Variants in MICAL2 observed in about 807,000 individuals in gnomAD.
MICAL2 encodes [F-actin]-monooxygenase MICAL2.
MICAL2 carries 77 observed loss-of-function variants against 127.3 expected under a neutral mutation model. That is an observed-to-expected ratio of 0.60 (90% CI 0.50 to 0.73). The LOEUF (loss-of-function observed/expected upper bound fraction) is 0.73, where lower values mean the gene tolerates loss of function less well. Ranked by LOEUF, MICAL2 falls within the 30% of genes least tolerant of loss-of-function variation. MICAL2 has a pLI of 0.00. For missense variants in MICAL2, 1,351 were observed against 1,434.4 expected (o/e 0.94, Z 0.94); for synonymous variants, 570 against 551.1 (o/e 1.03, Z -0.48).
intron 32 of MICAL2, chr11:12,349,789 G>T (rs1183863817): frequency 2.5e-6 from 4 of 1,571,944 alleles, no homozygotes; most frequent in Non-Finnish European, 3.5e-6. Context: ...GTTTGATCAT[G>T]GGGAGAGAAA....
intron 21 of MICAL2, among the ~76,000 whole-genome samples, chr11:12,245,110 G>T (rs537873391): frequency 2.6e-4 from 40 of 152,320 alleles, no homozygotes; most frequent in African/African-American, 8.9e-4. Flanking sequence ...GCTTGGGTGG[G>T]AGAGGGTCTG....
chr11:12,266,486 T>A (rs758340812), downstream of MICAL2, among the ~76,000 whole-genome samples: 2 of 152,246 alleles, frequency 1.3e-5, no homozygotes, highest in Non-Finnish European at 2.9e-5. Flanking sequence ...ACTGCATCTT[T>A]TACTGCCCCC....
chr11:12,293,882 G>A, downstream of MICAL2: 1 of 1,610,668 alleles, frequency 6.2e-7, no homozygotes, highest in Non-Finnish European at 8.5e-7. Flanking sequence ...TCCCTTGGCT[G>A]GAGAAGACCG....
downstream of MICAL2, among the ~76,000 whole-genome samples, chr11:12,266,601 G>C (rs1034823861): frequency 6.6e-6 from 1 of 152,174 alleles, no homozygotes; most frequent in African/African-American, 2.4e-5. Flanking sequence ...GCAACCTTGC[G>C]GTCAGTACTG....
chr11:12,228,690 G>A lies in MICAL2; in HGVS notation c.1995+1559G>A, dbSNP rs555725252. Among the ~76,000 whole-genome samples, 436 of 152,290 alleles carry A rather than the reference G, an allele frequency of 2.9e-3. 2 individuals are homozygous for A. The highest frequency in any genetic ancestry group is 9.3e-3 in the African/African-American group (387 of 41,556). ...TCAGAGAGGGAGTCGGGAAGCCCAC[G>A]GAGGAGAGCGCTTCTACGGGATGGG... On this transcript the variant is annotated intron_variant, in intron 15 of 27. Transcript: ENST00000683283.
chr11:12,174,082 A>T (rs915685976), intron 3 of MICAL2, among the ~76,000 whole-genome samples: 4 of 152,118 alleles, frequency 2.6e-5, no homozygotes, highest in African/African-American at 9.7e-5. Flanking sequence ...ATTTTATAAA[A>T]CTTACAGTTG....
intron 2 of MICAL2, chr11:12,281,198 C>G (rs1863766433): frequency 2.5e-6 from 1 of 398,152 alleles, no homozygotes; most frequent in East Asian, 3.6e-5. Flanking sequence ...TGACAGGAAG[C>G]CTCGCCCTCA....
chr11:12,289,405 G>T (rs185544667), downstream of MICAL2, among the ~76,000 whole-genome samples: 2 of 152,360 alleles, frequency 1.3e-5, no homozygotes, highest in Non-Finnish European at 2.9e-5. Context: ...TGGCTGGGTA[G>T]AGTGTGCAGC....
chr11:12,213,320 A>G lies in MICAL2; in HGVS notation c.757A>G (p.Asn253Asp). The change falls in exon 7 of 28, where the codon AAC becomes GAC. Residue 253 changes from asparagine to aspartate, a missense_variant. Physicochemically the swap from Asn to Asp is conservative, Grantham distance 23. Coordinates refer to ENST00000683283, the MANE Select transcript of MICAL2 (RefSeq NM_001282663.2). ...IAITANFINR[N>D]STAEAKVEEI... is the part of the protein sequence containing the mutation. ...CATCACCGCCAACTTCATAAACAGA[A>G]ACAGCACAGCGGAAGCCAAGGTGGA... The G allele has an allele frequency of 6.2e-7, 1 of 1,613,946 alleles. No individual in the cohort carries two copies. The highest frequency in any genetic ancestry group is 8.5e-7 in the Non-Finnish European group (1 of 1,179,792).
chr11:12,336,149 T>C (rs922141381), intron 32 of MICAL2, among the ~76,000 whole-genome samples: 1 of 152,208 alleles, frequency 6.6e-6, no homozygotes, highest in Admixed American at 6.5e-5. Flanking sequence ...TTTGTAGTTC[T>C]CCTTGAAGAG....
Position 12,221,738 on chromosome 11 carries a change from C to T in MICAL2, c.1301C>T (p.Pro434Leu). ...AAGAGCTGGAACCAGGGCACCCCTC[C>T]CCTGGAGCTGCTGGCTGAAAGGTGA... ...MVKSWNQGTP[P>L]LELLAERESL... The change falls in exon 10 of 28, where the codon CCC (proline) becomes CTC (leucine). Residue 434 changes from proline to leucine, a missense_variant. By Grantham distance (98) the Pro-to-Leu change is moderately conservative (BLOSUM62 -3). Around this residue, in one of 2 missense-constraint regions of MICAL2, gnomAD observed 599 missense variants for 714.9 expected, o/e 0.84. Coordinates refer to ENST00000683283, the MANE Select transcript of MICAL2 (RefSeq NM_001282663.2). 2 of 1,613,520 alleles carry T rather than the reference C, an allele frequency of 1.2e-6. No homozygotes were observed. The highest frequency in any genetic ancestry group is 1.7e-6 in the Non-Finnish European group (2 of 1,179,770).
intron 3 of MICAL2, among the ~76,000 whole-genome samples, chr11:12,169,226 T>C (rs1855941020): frequency 2.9e-5 from 1 of 34,852 alleles, no homozygotes; most frequent in African/African-American, 4.0e-5. Flanking sequence ...AAAAAAAATC[T>C]ACACACATTT....
chr11:12,214,165 A>G (rs1449375490), intron 7 of MICAL2, among the ~76,000 whole-genome samples: 1 of 152,190 alleles, frequency 6.6e-6, no homozygotes, highest in Non-Finnish European at 1.5e-5. Flanking sequence ...AAACAGGGTG[A>G]GGGGAAAGGG....
At chr11:12,117,410 G>A (rs974446439) in intron 1 of MICAL2, among the ~76,000 whole-genome samples, 15 of 152,228 alleles carry the variant, frequency 9.9e-5, no homozygotes, top group South Asian at 4.1e-4. Flanking sequence ...TGGCCTTGCT[G>A]CAGCAGTACC....
chr11:12,191,100 TCAGAGA>T (rs1231287493), intron 3 of MICAL2, among the ~76,000 whole-genome samples: 1 of 152,190 alleles, frequency 6.6e-6, no homozygotes, highest in African/African-American at 2.4e-5. Flanking sequence ...CAGCTATGAA[TCAGAGA>T]CAAGGCCTCT....
chr11:12,181,051 C>T (rs12285670), intron 3 of MICAL2, among the ~76,000 whole-genome samples: 15 of 149,034 alleles, frequency 1.0e-4, no homozygotes, highest in Non-Finnish European at 1.8e-4. Context: ...TCAAGCGATT[C>T]TCCTGCCTCA....
intron 1 of MICAL2, among the ~76,000 whole-genome samples, chr11:12,137,997 T>C (rs939052498): frequency 6.6e-6 from 1 of 152,254 alleles, no homozygotes; most frequent in Non-Finnish European, 1.5e-5. Flanking sequence ...GGGGACTTGT[T>C]ATCCAGTTTT....
intron 1 of MICAL2, among the ~76,000 whole-genome samples, chr11:12,280,633 T>C (rs759741521): frequency 2.1e-4 from 32 of 152,210 alleles, no homozygotes; most frequent in Admixed American, 2.0e-3. Context: ...TAGAAAGATA[T>C]CAGGTGCATG....
intron 32 of MICAL2, among the ~76,000 whole-genome samples, chr11:12,347,592 G>A (rs1938975375): frequency 6.6e-6 from 1 of 151,888 alleles, no homozygotes; most frequent in South Asian, 2.1e-4. Flanking sequence ...CCACCCTTCT[G>A]CATCTGTAAA....
Sources: allele counts gnomAD v4.1 joint callset (sites outside exome capture counted in the v4.1 genomes callset), GRCh38; gene constraint gnomAD v4.1.1; regional missense constraint gnomAD v4.1.1; transcripts MANE v1.5; gene names NCBI Gene and HGNC (gene_info 2026-07-23, HGNC 2026-07-21).